Variants in EZR observed in about 807,000 individuals in gnomAD.
EZR encodes the protein cytovillin 2.
In EZR, 40 loss-of-function variants were observed where a neutral mutation model predicts 74.8. The ratio of observed to expected loss-of-function variants is 0.53; its 90% CI spans 0.42 to 0.70. The LOEUF is 0.70. Ranked by LOEUF, EZR falls within the 30% of genes least tolerant of loss-of-function variation. The probability of loss-of-function intolerance (pLI) is 0.00; values close to 1 mark genes in which losing one functional copy is unlikely to be tolerated. For missense variants in EZR, 678 were observed against 755.8 expected, an observed-to-expected ratio of 0.90 and a Z score of 1.21; for synonymous variants, 341 against 283.3, an observed-to-expected ratio of 1.20 and a Z score of -2.05.
intron 2 of EZR, among the ~76,000 whole-genome samples, chr6:158,810,525 C>CA (rs1222557673): frequency 6.6e-6 from 1 of 152,194 alleles, no homozygotes; most frequent in Admixed American, 6.5e-5. Context: ...GTCCCTGCAC[C>CA]AAGCACATAA....
At position 158,785,969 on chromosome 6, in the gene EZR, G is replaced by A. The variant is rs140176619; in HGVS notation, c.193-386C>T. 2.0e-4 allele frequency among the ~76,000 whole-genome samples: 31 copies of A among 152,260 alleles called. No homozygotes were observed. In the East Asian group the frequency reaches 6.0e-3, roughly 29 times the overall value. ...CAAGAAGCTGAGCAGGAGGAACCCT[G>A]GAGCTCAGGAGTTCGAGACTGCAGT... On this transcript the variant is annotated intron_variant, in intron 4 of 13. Transcript: ENST00000367075.
rs372037971 is a variant in EZR, at chr6:158,785,291, G to A, written c.467+18C>T. On this transcript the variant is annotated intron_variant, in intron 5 of 13. Transcript: ENST00000367075. Reference sequence around the variant, plus strand: ...CGGCATGACTGCTCCTGCCCAGGCCGGGTCATCCTGTGCTCACCTTTGAGG... The same window carrying A: ...CGGCATGACTGCTCCTGCCCAGGCCAGGTCATCCTGTGCTCACCTTTGAGG... The A allele has an allele frequency of 6.3e-5, 101 of 1,610,066 alleles. No homozygotes were observed. The highest frequency in any genetic ancestry group is 8.2e-5 in the Non-Finnish European group (96 of 1,177,442).
At position 158,784,706 on chromosome 6, in the gene EZR, A is replaced by G. The variant is rs1791523763; in HGVS notation, c.489T>C (p.Leu163=). 6.2e-7 allele frequency: 1 copy of G among 1,614,194 alleles called. No homozygotes were observed. The highest frequency in any genetic ancestry group is 2.2e-5 in the East Asian group (1 of 44,888). The change falls in exon 6 of 14, where the codon CTT becomes CTC. Residue 163 remains leucine, a synonymous_variant. Transcript: ENST00000367075. ...TCCGGTCCTCCCACTGGTCCCTGGT[A>G]AGTTTGTGCTGGTCCATCACTCTGG... is the stretch of plus-strand genomic sequence containing the variant. ...IPQRVMDQHK[L]TRDQWEDRIQ...
chr6:158,804,760 TTTC>T (rs1238515864), intron 2 of EZR, among the ~76,000 whole-genome samples: 10 of 136,872 alleles, frequency 7.3e-5, no homozygotes, highest in Admixed American at 5.4e-4. Context: ...CCTTTCTTTT[TTTC>T]TTATTTTTTT....
At chr6:158,771,434 A>G (rs1217534681) in intron 8 of EZR, 27 bp from the exon 9 acceptor site, 2 of 1,550,984 alleles carry the variant, frequency 1.3e-6, no homozygotes, top group East Asian at 2.3e-5. Flanking sequence ...GGCCACCTGG[A>G]CTCAAGCTCC....
At chr6:158,778,084 T>C (rs545567906) in intron 7 of EZR, among the ~76,000 whole-genome samples, 30 of 152,320 alleles carry the variant, frequency 2.0e-4, no homozygotes, top group Admixed American at 2.0e-3. Flanking sequence ...GCTGTGAAAG[T>C]GGCACCAGGT....
chr6:158,774,711 A>G (rs3123104), intron 8 of EZR, among the ~76,000 whole-genome samples: 77,537 of 149,600 alleles, frequency 0.52, 21,130 homozygotes, highest in Non-Finnish European at 0.61. Flanking sequence ...ACACACACAC[A>G]CACGCACAAA....
intron 2 of EZR, among the ~76,000 whole-genome samples, chr6:158,795,022 A>AG (rs1777038748): frequency 6.6e-6 from 1 of 152,156 alleles, no homozygotes; most frequent in Admixed American, 6.5e-5. Flanking sequence ...GGGCCAAGGC[A>AG]GGCAGATCAC....
intron 13 of EZR, 60 bp from the exon 14 acceptor site, chr6:158,767,138 C>T (rs1319276654): frequency 8.1e-6 from 13 of 1,599,826 alleles, no homozygotes; most frequent in African/African-American, 1.3e-5. Flanking sequence ...GGCCCGTCCC[C>T]TAGGAAAACA....
chr6:158,767,010 G>C lies in EZR; in HGVS notation c.1665C>G (p.Asn555Lys). 2 of 1,614,184 alleles carry C rather than the reference G, an allele frequency of 1.2e-6. No individual in the cohort carries two copies. The highest frequency in any genetic ancestry group is 8.5e-7 in the Non-Finnish European group (1 of 1,180,028). The change falls in exon 14 of 14, where the codon AAC becomes AAG. Residue 555 changes from asparagine to lysine, a missense_variant. By Grantham distance (94) the Asn-to-Lys change is moderately conservative. Around this residue, in one of 3 missense-constraint regions of EZR, gnomAD observed 342 missense variants for 341.2 expected, o/e 1.00. Transcript: ENST00000367075. ...TGTCCCGGCCTTGCCTCATGTTCTC[G>C]TTGTGGATGATGTCATTGTGGGTCC... is the stretch of plus-strand genomic sequence containing the variant. ...NKRTHNDIIHNENMRQGRDKY... is the reference protein window; with the variant it reads ...NKRTHNDIIHKENMRQGRDKY...
chr6:158,817,968 C>T (rs189282562), intron 2 of EZR, 114 bp downstream of exon 2: 10 of 1,019,054 alleles, frequency 9.8e-6, no homozygotes, highest in Admixed American at 4.4e-5. Context: ...CTATCGTCTT[C>T]TGCGTGTGAG....
At chr6:158,809,189 G>A (rs1777402080) in intron 2 of EZR, among the ~76,000 whole-genome samples, 1 of 151,302 alleles carries the variant, frequency 6.6e-6, no homozygotes, top group African/African-American at 2.4e-5. Context: ...TATAGGTGGA[G>A]ACCGAGTTCT....
intron 4 of EZR, among the ~76,000 whole-genome samples, chr6:158,786,558 G>A (rs756144): frequency 0.53 from 79,821 of 151,684 alleles, 21,918 homozygotes; most frequent in Non-Finnish European, 0.61. Context: ...CCTGGACCCC[G>A]AAACTTACTG....
At chr6:158,819,009 G>A (rs1349599129) in intron 1 of EZR, among the ~76,000 whole-genome samples, 2 of 152,140 alleles carry the variant, frequency 1.3e-5, no homozygotes, top group African/African-American at 4.8e-5. Flanking sequence ...AGTCACAACC[G>A]TCAAGCCTTT....
chr6:158,779,214 T>C (rs1002667493), intron 7 of EZR, among the ~76,000 whole-genome samples: 5 of 152,100 alleles, frequency 3.3e-5, no homozygotes, highest in Non-Finnish European at 5.9e-5. Flanking sequence ...CTCCAAATAA[T>C]GAGAAAACAC....
At chr6:158,787,300 C>A (rs1226672978) in intron 3 of EZR, 97 bp from the exon 4 acceptor site, 3 of 889,680 alleles carry the variant, frequency 3.4e-6, no homozygotes, top group African/African-American at 1.7e-5. Context: ...AGCAGAGTCC[C>A]CAGGAAACCA....
At position 158,770,830 on chromosome 6, in the gene EZR, G is replaced by A. The variant is rs755662102; in HGVS notation, c.1024C>T (p.Arg342Cys). 13 of 1,613,998 alleles carry A rather than the reference G, an allele frequency of 8.1e-6. No homozygotes were observed. Among genetic ancestry groups the A allele is most frequent in the African/African-American group, 2.7e-5 (2 of 74,900 alleles). Reference sequence around the variant, plus strand: ...CGCAGCATCAACTCCTCCTTCTCGCGCATCATCTGCTCTTTCTCTCTCTCC... The same window carrying A: ...CGCAGCATCAACTCCTCCTTCTCGCACATCATCTGCTCTTTCTCTCTCTCC... ...TVEREKEQMM[R>C]EKEELMLRLQ... is the part of the protein sequence containing the mutation. The change falls in exon 10 of 14, where the codon CGC becomes TGC. Residue 342 changes from arginine (R) to cysteine (C), a missense_variant. By Grantham distance (180) the Arg-to-Cys change is radical. Transcript: ENST00000367075.
chr6:158,776,834 T>C (rs1791292715), intron 7 of EZR, among the ~76,000 whole-genome samples: 1 of 152,160 alleles, frequency 6.6e-6, no homozygotes, highest in Non-Finnish European at 1.5e-5. Context: ...TCAGGTATCT[T>C]CTGCTGTTCA....
chr6:158,802,124 C>T (rs1369456197), intron 2 of EZR, among the ~76,000 whole-genome samples: 5 of 120,326 alleles, frequency 4.2e-5, no homozygotes, highest in Non-Finnish European at 9.6e-5. Flanking sequence ...CCACCCATTC[C>T]TTCTTGCCAG....
Sources: gnomAD v4.1 joint callset for allele counts (sites outside exome capture counted in the v4.1 genomes callset) on GRCh38, gnomAD v4.1.1 for gene constraint, gnomAD v4.1.1 regional missense constraint, MANE v1.5 for transcripts, NCBI Gene and HGNC (gene_info 2026-07-23, HGNC 2026-07-21) for gene names.